The following PHLDB2 variants were observed in gnomAD, a reference collection of about 807,000 sequenced individuals.
The protein encoded by PHLDB2 is pleckstrin homology like domain family B member 2.
A neutral mutation model predicts 123.6 loss-of-function variants in PHLDB2; 71 were observed. That is an observed-to-expected ratio of 0.57 (90% CI 0.47 to 0.70). The LOEUF (loss-of-function observed/expected upper bound fraction) is 0.70, where lower values mean the gene tolerates loss of function less well. Ranked by LOEUF, PHLDB2 falls within the 30% of genes least tolerant of loss-of-function variation. The pLI is 0.00. For missense variants in PHLDB2, 1,446 were observed against 1,519.5 expected, an observed-to-expected ratio of 0.95 and a Z score of 0.80; for synonymous variants, 547 against 541.6, an observed-to-expected ratio of 1.01 and a Z score of -0.14.
intron 16 of PHLDB2, 106 bp downstream of exon 16, chr3:111,970,015 G>T: frequency 1.0e-6 from 1 of 958,152 alleles, no homozygotes; most frequent in Admixed American, 2.1e-5. Flanking sequence ...ATACATAACA[G>T]AATTAATGGC....
At chr3:111,871,961 C>T (rs1414079106) in intron 1 of PHLDB2, among the ~76,000 whole-genome samples, 1 of 152,204 alleles carries the variant, frequency 6.6e-6, no homozygotes, top group Non-Finnish European at 1.5e-5. Flanking sequence ...CTGTGGATAT[C>T]TTCCAGCGAT....
intron 1 of PHLDB2, 112 bp downstream of exon 1, chr3:111,859,688 T>A: frequency 1.0e-6 from 1 of 985,200 alleles, no homozygotes; most frequent in Non-Finnish European, 1.2e-6. Flanking sequence ...TGCCGCCGGT[T>A]GCGCTGCGGA....
chr3:111,930,333 C>G (rs2069066014), intron 5 of PHLDB2, among the ~76,000 whole-genome samples: 1 of 152,092 alleles, frequency 6.6e-6, no homozygotes, highest in Non-Finnish European at 1.5e-5. Context: ...TATCAAATAT[C>G]ATATCAGTGT....
intron 1 of PHLDB2, among the ~76,000 whole-genome samples, chr3:111,735,409 C>T (rs1395874819): frequency 6.6e-6 from 1 of 152,116 alleles, no homozygotes; most frequent in Non-Finnish European, 1.5e-5. Context: ...TCAGATATGT[C>T]CTAAAGATTC....
At chr3:111,872,886 G>A (rs1301968130) in intron 1 of PHLDB2, among the ~76,000 whole-genome samples, 1 of 152,190 alleles carries the variant, frequency 6.6e-6, no homozygotes, top group South Asian at 2.1e-4. Flanking sequence ...GCTGTGGCAC[G>A]TAAACTAAGC....
intron 2 of PHLDB2, among the ~76,000 whole-genome samples, chr3:111,894,124 T>C (rs542202404): frequency 0.019 from 2,452 of 131,720 alleles, 82 homozygotes; most frequent in African/African-American, 0.065. Flanking sequence ...TGTGATCTCA[T>C]TGTTCAATTC....
At chr3:111,801,478 T>C (rs2061375302) in intron 1 of PHLDB2, among the ~76,000 whole-genome samples, 1 of 152,188 alleles carries the variant, frequency 6.6e-6, no homozygotes, top group Admixed American at 6.5e-5. Context: ...ATATTTATCT[T>C]TATATAATAG....
intron 1 of PHLDB2, among the ~76,000 whole-genome samples, chr3:111,790,421 A>G (rs1383933780): frequency 6.6e-6 from 1 of 152,172 alleles, no homozygotes; most frequent in Non-Finnish European, 1.5e-5. Context: ...AAGGTTTAAT[A>G]TATACCTTCC....
At position 111,859,298 on chromosome 3, in the gene PHLDB2, G is replaced by A. The variant is rs1038361177; in HGVS notation, c.-293G>A. 22 of 985,426 alleles carry A rather than the reference G, an allele frequency of 2.2e-5. No homozygotes were observed. In the African/African-American group the frequency reaches 3.5e-4, roughly 16 times the overall value. 61.0% of individuals were successfully genotyped at this position (985,426 alleles called of 1,614,324 possible). A position where few individuals can be genotyped will look rare whatever the true frequency, so the allele number is the denominator to read the frequency against. On this transcript the variant is annotated 5_prime_UTR_variant, in exon 1 of 18. Transcript: ENST00000431670. ...GCTGCGAACGTAGCTTTGAGAAGCT[G>A]GCGCCCAGTGATGGGGCAAACAGCC...
intron 1 of PHLDB2, among the ~76,000 whole-genome samples, chr3:111,877,601 T>C (rs565963351): frequency 1.3e-5 from 2 of 152,362 alleles, no homozygotes. Flanking sequence ...TTGACTTTTG[T>C]TGCCATTGCT....
chr3:111,885,941 C>A, intron 2 of PHLDB2: 1 of 289,052 alleles, frequency 3.5e-6, no homozygotes, highest in African/African-American at 2.2e-5. Context: ...ATCTTTAGCT[C>A]TGATTCTTAT....
chr3:111,778,752 T>C (rs1229512737), intron 1 of PHLDB2, among the ~76,000 whole-genome samples: 2 of 151,980 alleles, frequency 1.3e-5, no homozygotes, highest in African/African-American at 4.8e-5. Context: ...TCAGGACAAT[T>C]TGGTCCCAAG....
At chr3:111,856,348 C>A (rs1251242203), upstream of PHLDB2, among the ~76,000 whole-genome samples, 1 of 152,174 alleles carries the variant, frequency 6.6e-6, no homozygotes, top group Non-Finnish European at 1.5e-5. Flanking sequence ...AACTCAAGAA[C>A]AAGTGCTCAA....
chr3:111,939,053 C>G (rs750214389), intron 6 of PHLDB2, among the ~76,000 whole-genome samples: 6 of 152,098 alleles, frequency 3.9e-5, no homozygotes, highest in Non-Finnish European at 8.8e-5. Flanking sequence ...GGTGATCCCC[C>G]CTCCTCAGCC....
chr3:111,785,440 A>G (rs2060643052), intron 1 of PHLDB2, among the ~76,000 whole-genome samples: 1 of 152,138 alleles, frequency 6.6e-6, no homozygotes. Flanking sequence ...GTCTTATGTG[A>G]CTTATATCCT....
intron 6 of PHLDB2, among the ~76,000 whole-genome samples, chr3:111,934,475 A>G (rs2069342775): frequency 6.6e-6 from 1 of 152,232 alleles, no homozygotes; most frequent in South Asian, 2.1e-4. Flanking sequence ...TTAGGTGGTA[A>G]GTCACACAAA....
chr3:111,739,499 T>TGGA (rs1275221345), intron 1 of PHLDB2, among the ~76,000 whole-genome samples: 1 of 150,730 alleles, frequency 6.6e-6, no homozygotes, highest in Admixed American at 6.7e-5. Context: ...TGTGTGTGTT[T>TGGA]GGAGGAGGAG....
chr3:111,756,532 C>T (rs2059892917), intron 1 of PHLDB2, among the ~76,000 whole-genome samples: 1 of 152,116 alleles, frequency 6.6e-6, no homozygotes, highest in Admixed American at 6.6e-5. Context: ...TATTTTGAGC[C>T]TATGTGTGTC....
At chr3:111,814,406 G>A (rs2061979105) in intron 1 of PHLDB2, among the ~76,000 whole-genome samples, 1 of 152,112 alleles carries the variant, frequency 6.6e-6, no homozygotes, top group Non-Finnish European at 1.5e-5. Flanking sequence ...TTGGGACTCG[G>A]ACTGGCTCTC....
Sources: allele counts gnomAD v4.1 joint callset (sites outside exome capture counted in the v4.1 genomes callset), GRCh38; gene constraint gnomAD v4.1.1; transcripts MANE v1.5; gene names NCBI Gene and HGNC (gene_info 2026-07-23, HGNC 2026-07-21).